The following PPP2CA variants were observed in gnomAD, a reference collection of about 807,000 sequenced individuals.
The protein encoded by PPP2CA is protein phosphatase 2 catalytic subunit alpha.
A neutral mutation model predicts 38.8 loss-of-function variants in PPP2CA; 5 were observed. The ratio of observed to expected loss-of-function variants is 0.13; its 90% CI spans 0.07 to 0.27. The LOEUF (loss-of-function observed/expected upper bound fraction) is 0.27, where lower values mean the gene tolerates loss of function less well. Ranked by LOEUF, PPP2CA falls within the 10% of genes least tolerant of loss-of-function variation. The probability of loss-of-function intolerance (pLI) is 1.00; values close to 1 mark genes in which losing one functional copy is unlikely to be tolerated. For missense variants in PPP2CA, 88 were observed against 389.7 expected, an observed-to-expected ratio of 0.23 and a Z score of 6.52; for synonymous variants, 152 against 134.0, an observed-to-expected ratio of 1.13 and a Z score of -0.93.
chr5:134,217,636 A>G (rs1264942656), intron 1 of PPP2CA, among the ~76,000 whole-genome samples: 2 of 152,218 alleles, frequency 1.3e-5, no homozygotes, highest in Non-Finnish European at 1.5e-5. Flanking sequence ...AAGGTTTGTG[A>G]TAAGTTAGTG....
rs1465467053 is a variant in PPP2CA, at chr5:134,194,557, A to C, written c.*3215T>G. 5 of 152,310 alleles carry C rather than the reference A, an allele frequency of 3.3e-5. No individual in the cohort carries two copies. Among genetic ancestry groups the C allele is most frequent in the Admixed American group, 2.6e-4 (4 of 15,284 alleles). The allele number at this position is 152,310 out of a possible 1,614,324, so 9.4% of individuals were successfully genotyped here. On this transcript the variant is annotated 3_prime_UTR_variant, in exon 7 of 7. Transcript: ENST00000481195. ...TTTAATTCCTTATCAACATCCATGA[A>C]CCACCACCATGTATCCCAATTTTCT...
chr5:134,220,477 A>AAAAAAAAAAC, intron 1 of PPP2CA, among the ~76,000 whole-genome samples: 3 of 150,124 alleles, frequency 2.0e-5, no homozygotes, highest in Non-Finnish European at 4.4e-5. Flanking sequence ...AAAAAAAAAA[A>AAAAAAAAAAC]AGCCCACAAA....
At chr5:134,214,448 G>T (rs991185059) in intron 1 of PPP2CA, among the ~76,000 whole-genome samples, 1 of 152,040 alleles carries the variant, frequency 6.6e-6, no homozygotes, top group Non-Finnish European at 1.5e-5. Flanking sequence ...GGATTACAGG[G>T]CAAAATAGCA....
chr5:134,202,646 T>C (rs1246619600), intron 2 of PPP2CA, among the ~76,000 whole-genome samples: 2 of 152,258 alleles, frequency 1.3e-5, no homozygotes, highest in African/African-American at 2.4e-5. Flanking sequence ...CTGGCAATTA[T>C]GTTACTGAGG....
Position 134,213,201 on chromosome 5 carries a change from T to C in PPP2CA, c.103-7070A>G, listed in dbSNP as rs776019129. ...AAACCCTCAACGGACAGGCTGACTCTTGTTAGAGGCTAATGTAGCTGGTGA... is the reference window on the plus strand; with the variant it reads ...AAACCCTCAACGGACAGGCTGACTCCTGTTAGAGGCTAATGTAGCTGGTGA... On this transcript the variant is annotated intron_variant, in intron 1 of 6. Coordinates refer to ENST00000481195, the MANE Select transcript of PPP2CA (RefSeq NM_002715.4). Among the ~76,000 whole-genome samples, 3 of 152,312 alleles carry C rather than the reference T, an allele frequency of 2.0e-5. No individual in the cohort carries two copies. The South Asian group carries it at 6.2e-4, about 32-fold the overall frequency.
intron 1 of PPP2CA, among the ~76,000 whole-genome samples, chr5:134,215,592 AT>A: frequency 6.6e-6 from 1 of 151,946 alleles, no homozygotes; most frequent in South Asian, 2.1e-4. Flanking sequence ...AAAAATAAAA[AT>A]AAAAATAAAA....
intron 1 of PPP2CA, among the ~76,000 whole-genome samples, chr5:134,214,923 G>A (rs557668669): frequency 1.3e-5 from 2 of 151,484 alleles, no homozygotes; most frequent in Non-Finnish European, 2.9e-5. Flanking sequence ...AAGATTACAC[G>A]ACAACTACTC....
chr5:134,217,880 T>C (rs868452571), intron 1 of PPP2CA, among the ~76,000 whole-genome samples: 1 of 152,222 alleles, frequency 6.6e-6, no homozygotes, highest in Admixed American at 6.5e-5. Flanking sequence ...AGCTATTGGA[T>C]AGCCTATTGC....
intron 1 of PPP2CA, among the ~76,000 whole-genome samples, chr5:134,209,023 A>G (rs543832403): frequency 5.9e-5 from 9 of 152,198 alleles, no homozygotes; most frequent in South Asian, 2.1e-4. Context: ...ACATTTCCTG[A>G]GAGAAGATAC....
chr5:134,225,451 G>A, intron 1 of PPP2CA: 1 of 288,506 alleles, frequency 3.5e-6, no homozygotes, highest in Non-Finnish European at 6.6e-6. Context: ...CCTCAAAACC[G>A]TCCCTGACGA....
intron 2 of PPP2CA, among the ~76,000 whole-genome samples, chr5:134,202,789 G>A (rs746569752): frequency 6.6e-5 from 10 of 152,170 alleles, no homozygotes; most frequent in Non-Finnish European, 1.0e-4. Context: ...TTAACTTTTT[G>A]AGAAACAGTC....
Position 134,194,526 on chromosome 5 carries a change from G to A in PPP2CA, c.*3246C>T, listed in dbSNP as rs11750335. 3,692 of 152,380 alleles carry A rather than the reference G, an allele frequency of 0.024. 62 individuals carry two copies. The highest frequency in any genetic ancestry group is 0.071 in the Middle Eastern group (21 of 294). The allele number at this position is 152,380 out of a possible 1,614,324, so 9.4% of individuals were successfully genotyped here. Reference sequence around the variant, plus strand: ...CACCACTGAAACAGAGAGTCGCACGGTACATTTTAATTCCTTATCAACATC... The same window carrying A: ...CACCACTGAAACAGAGAGTCGCACGATACATTTTAATTCCTTATCAACATC... On this transcript the variant is annotated 3_prime_UTR_variant, in exon 7 of 7. Coordinates refer to ENST00000481195, the MANE Select transcript of PPP2CA (RefSeq NM_002715.4).
chr5:134,200,272 C>A, intron 5 of PPP2CA, 63 bp downstream of exon 5: 1 of 1,501,716 alleles, frequency 6.7e-7, no homozygotes, highest in Non-Finnish European at 8.9e-7. Flanking sequence ...TTAAAACTCC[C>A]TAATATCTTC....
At chr5:134,221,911 T>G (rs370484560) in intron 1 of PPP2CA, among the ~76,000 whole-genome samples, 1 of 145,246 alleles carries the variant, frequency 6.9e-6, no homozygotes, top group Admixed American at 7.3e-5. Context: ...GAGGTTGCAG[T>G]GAGCCGAGAT....
At chr5:134,199,290 C>T (rs1369049537) in intron 5 of PPP2CA, 86 bp from the exon 6 acceptor site, 12 of 979,098 alleles carry the variant, frequency 1.2e-5, no homozygotes, top group African/African-American at 1.6e-5. Context: ...AAAATCTCTA[C>T]TCATTCCCAC....
chr5:134,198,472 TATA>T (rs1329471985), intron 6 of PPP2CA, among the ~76,000 whole-genome samples: 6 of 152,212 alleles, frequency 3.9e-5, no homozygotes, highest in Admixed American at 1.3e-4. Context: ...AAGATCTATA[TATA>T]ATAAGTTCCT....
At chr5:134,203,789 C>A (rs1327217575) in intron 2 of PPP2CA, among the ~76,000 whole-genome samples, 1 of 152,124 alleles carries the variant, frequency 6.6e-6, no homozygotes, top group Non-Finnish European at 1.5e-5. Context: ...TGGAGTAGCT[C>A]ACCGCAGCCT....
At chr5:134,198,995 G>A (rs1761918534) in intron 6 of PPP2CA, 91 bp downstream of exon 6, 2 of 1,002,776 alleles carry the variant, frequency 2.0e-6, no homozygotes, top group African/African-American at 1.6e-5. Context: ...ACAAGACTGG[G>A]CAATATAGTG....
At chr5:134,217,997 AC>A (rs1458517216) in intron 1 of PPP2CA, among the ~76,000 whole-genome samples, 3 of 152,242 alleles carry the variant, frequency 2.0e-5, no homozygotes, top group Non-Finnish European at 4.4e-5. Flanking sequence ...ATAAAGTGTT[AC>A]ACTATGACAT....
Sources: allele counts gnomAD v4.1 joint callset (sites outside exome capture counted in the v4.1 genomes callset), GRCh38; gene constraint gnomAD v4.1.1; transcripts MANE v1.5; gene names NCBI Gene and HGNC (gene_info 2026-07-23, HGNC 2026-07-21).